The following FBXO28 variants were observed in gnomAD, a reference collection of about 807,000 sequenced individuals.
FBXO28 encodes the protein F-box only protein 28.
FBXO28 carries 8 observed loss-of-function variants against 38.1 expected under a neutral mutation model. That is an observed-to-expected ratio of 0.21 (90% CI 0.12 to 0.38). The LOEUF is 0.38. Among genes scored for constraint, FBXO28 ranks in the 10% least tolerant of loss-of-function variants. The pLI is 1.00. For missense variants in FBXO28, 345 were observed against 460.6 expected, an observed-to-expected ratio of 0.75 and a Z score of 2.30; for synonymous variants, 168 against 173.8, an observed-to-expected ratio of 0.97 and a Z score of 0.26.
intron 2 of FBXO28, among the ~76,000 whole-genome samples, chr1:224,132,861 T>C (rs992212924): frequency 1.3e-5 from 2 of 151,658 alleles, no homozygotes; most frequent in African/African-American, 4.8e-5. Context: ...CAGAGAGTTA[T>C]TGTCTGAGCC....
chr1:224,139,752 A>ACATGCATGCATGCATG lies in FBXO28; in HGVS notation c.516+5555_516+5556insGCATGCATGCATGCAT, dbSNP rs56730196. On this transcript the variant is annotated intron_variant, in intron 3 of 4. Coordinates refer to ENST00000366862, the MANE Select transcript of FBXO28 (RefSeq NM_015176.4). ...GAGACTTCGTCTGAAATAAATACAT[A>ACATGCATGCATGCATG]CATGCATGCATGCATACATACATAC... 1.6e-3 allele frequency among the ~76,000 whole-genome samples: 181 copies of ACATGCATGCATGCATG among 109,726 alleles called. 2 individuals are homozygous for ACATGCATGCATGCATG. The highest frequency in any genetic ancestry group is 5.0e-3 in the African/African-American group (174 of 34,918). The allele number at this position is 109,726 out of a possible 152,430, so 72.0% of individuals were successfully genotyped here.
chr1:224,114,458 G>C (rs1656595949), intron 1 of FBXO28, 62 bp downstream of exon 1: 3 of 1,385,284 alleles, frequency 2.2e-6, no homozygotes, highest in Non-Finnish European at 2.9e-6. Flanking sequence ...GAGATGAGAA[G>C]GGAGCGCGTT....
chr1:224,136,286 T>C (rs979732189), intron 3 of FBXO28, among the ~76,000 whole-genome samples: 4 of 151,868 alleles, frequency 2.6e-5, no homozygotes, highest in African/African-American at 4.8e-5. Context: ...CTGCAAAATA[T>C]AAGGATGCGG....
At chr1:224,150,020 A>T (rs934421322) in intron 3 of FBXO28, among the ~76,000 whole-genome samples, 1 of 152,340 alleles carries the variant, frequency 6.6e-6, no homozygotes, top group Middle Eastern at 3.4e-3. Context: ...GCCTTTGGGG[A>T]CAACATTTAA....
chr1:224,136,536 A>C (rs1657191036), intron 3 of FBXO28, among the ~76,000 whole-genome samples: 1 of 151,622 alleles, frequency 6.6e-6, no homozygotes, highest in South Asian at 2.1e-4. Context: ...ATCCTTGCTA[A>C]CATGGTGAAA....
chr1:224,152,114 G>A (rs1213608193), intron 3 of FBXO28, among the ~76,000 whole-genome samples: 2 of 151,614 alleles, frequency 1.3e-5, no homozygotes, highest in Non-Finnish European at 2.9e-5. Flanking sequence ...TAACCTCACC[G>A]AGATGAAAGC....
intron 1 of FBXO28, among the ~76,000 whole-genome samples, chr1:224,128,433 C>T (rs1021744549): frequency 3.3e-5 from 5 of 151,526 alleles, no homozygotes; most frequent in African/African-American, 1.2e-4. Context: ...AGAAATATAA[C>T]AAATGAAACA....
At chr1:224,155,080 AT>A (rs1465154974) in intron 4 of FBXO28, among the ~76,000 whole-genome samples, 1 of 152,218 alleles carries the variant, frequency 6.6e-6, no homozygotes, top group East Asian at 1.9e-4. Flanking sequence ...AAAAACAAAT[AT>A]ACCAGATAAA....
intron 1 of FBXO28, among the ~76,000 whole-genome samples, chr1:224,128,724 T>TG (rs1656963429): frequency 6.6e-6 from 1 of 152,148 alleles, no homozygotes; most frequent in African/African-American, 2.4e-5. Flanking sequence ...TGGTGGCTCA[T>TG]GCCTATAACC....
intron 2 of FBXO28, 147 bp from the exon 3 acceptor site, chr1:224,133,927 A>G: frequency 3.9e-6 from 2 of 508,912 alleles, no homozygotes; most frequent in Non-Finnish European, 6.4e-6. Flanking sequence ...TGATTCATTC[A>G]TCATTACAGT....
chr1:224,159,893 CAT>C lies in FBXO28; in HGVS notation c.*2148_*2149del, dbSNP rs549295970. The stretch of plus-strand genomic sequence containing the variant: ...ATCTATGTAGTCTTCCATTAGTTAA[CAT>C]GTGTATAGGGCTTTCATAATAAGTA... On this transcript the variant is annotated 3_prime_UTR_variant, in exon 5 of 5. Coordinates refer to ENST00000366862, the MANE Select transcript of FBXO28 (RefSeq NM_015176.4). 5.6e-4 allele frequency: 86 copies of C among 152,252 alleles called. No individual in the cohort carries two copies. Among genetic ancestry groups the C allele is most frequent in the African/African-American group, 1.9e-3 (77 of 41,556 alleles). The allele number at this position is 152,252 out of a possible 1,614,324, so 9.4% of individuals were successfully genotyped here. A position where few individuals can be genotyped will look rare whatever the true frequency, so the allele number is the denominator to read the frequency against.
At chr1:224,139,745 A>C (rs1487951154) in intron 3 of FBXO28, among the ~76,000 whole-genome samples, 3 of 103,782 alleles carry the variant, frequency 2.9e-5, no homozygotes, top group African/African-American at 7.9e-5. Flanking sequence ...GTCTGAAATA[A>C]ATACATACAT....
intron 3 of FBXO28, among the ~76,000 whole-genome samples, chr1:224,138,261 C>T (rs1453218202): frequency 2.0e-5 from 3 of 151,706 alleles, no homozygotes; most frequent in Non-Finnish European, 4.4e-5. Context: ...TACAAGTTTG[C>T]TATTATCTAG....
intron 3 of FBXO28, among the ~76,000 whole-genome samples, chr1:224,146,811 G>A (rs974157443): frequency 2.0e-5 from 3 of 148,724 alleles, no homozygotes; most frequent in Non-Finnish European, 3.0e-5. Context: ...AGGTTCAAGC[G>A]ATTCTTCTGC....
At chr1:224,131,462 C>T (rs1383500153) in intron 2 of FBXO28, among the ~76,000 whole-genome samples, 1 of 152,128 alleles carries the variant, frequency 6.6e-6, no homozygotes, top group Non-Finnish European at 1.5e-5. Context: ...ATGGCACTGG[C>T]ATAAGGATAG....
intron 3 of FBXO28, among the ~76,000 whole-genome samples, chr1:224,135,611 C>CAAAAAAAAAAAAAAAAAAAAA (rs71168313): frequency 1.8e-5 from 2 of 110,766 alleles, no homozygotes; most frequent in African/African-American, 7.6e-5. Flanking sequence ...GACTCTGTCT[C>CAAAAAAAAAAAAAAAAAAAAA]AAAAAAAAAA....
chr1:224,139,752 A>ATG (rs1553290690), intron 3 of FBXO28, among the ~76,000 whole-genome samples: 123 of 109,730 alleles, frequency 1.1e-3, no homozygotes, highest in African/African-American at 3.4e-3. Flanking sequence ...ATAAATACAT[A>ATG]CATGCATGCA....
At chr1:224,141,294 A>T (rs1266423519) in intron 3 of FBXO28, among the ~76,000 whole-genome samples, 1 of 151,966 alleles carries the variant, frequency 6.6e-6, no homozygotes, top group Non-Finnish European at 1.5e-5. Flanking sequence ...AACAGGTGAA[A>T]CCCTGTCTCT....
chr1:224,114,143 C>A lies in FBXO28; in HGVS notation c.14C>A (p.Ala5Glu). Residue 5 changes from alanine (A) to glutamate (E), a missense_variant, in exon 1 of 5, where the codon GCG becomes GAG. Ala to Glu is a moderately radical substitution (Grantham distance 107, BLOSUM62 -1). Coordinates refer to ENST00000366862, the MANE Select transcript of FBXO28 (RefSeq NM_015176.4). MAAA[A>E]EERMAEEGGG... ...CAAGCCCCCAAGATGGCGGCAGCGG[C>A]GGAGGAGCGGATGGCAGAGGAAGGA... 1 of 1,541,840 alleles carries A rather than the reference C, an allele frequency of 6.5e-7. No individual in the cohort carries two copies. The highest frequency in any genetic ancestry group is 8.7e-7 in the Non-Finnish European group (1 of 1,143,152).
Sources: gnomAD v4.1 joint callset for allele counts (sites outside exome capture counted in the v4.1 genomes callset) on GRCh38, gnomAD v4.1.1 for gene constraint, MANE v1.5 for transcripts, NCBI Gene and HGNC (gene_info 2026-07-23, HGNC 2026-07-21) for gene names.